The following RSU1 variants were observed in gnomAD, a reference collection of about 807,000 sequenced individuals.
RSU1 encodes the protein Ras suppressor protein 1.
RSU1 carries 26 observed loss-of-function variants against 31.1 expected under a neutral mutation model. The observed-to-expected ratio is 0.84, with a 90% CI of 0.61 to 1.16. The LOEUF (loss-of-function observed/expected upper bound fraction) is 1.16. Among genes scored for constraint, RSU1 ranks in the 50% most tolerant of loss-of-function variants. The pLI is 0.00. For synonymous variants in RSU1, 164 were observed against 136.3 expected, an observed-to-expected ratio of 1.20 and a Z score of -1.41; for missense variants, 320 against 339.1, an observed-to-expected ratio of 0.94 and a Z score of 0.44.
intron 8 of RSU1, among the ~76,000 whole-genome samples, chr10:16,597,121 A>G (rs779089740): frequency 6.6e-6 from 1 of 152,200 alleles, no homozygotes; most frequent in African/African-American, 2.4e-5. Context: ...GGCAATGATA[A>G]GAGGTCAGCA....
chr10:16,702,275 T>C (rs922355363), intron 7 of RSU1, among the ~76,000 whole-genome samples: 18 of 152,132 alleles, frequency 1.2e-4, no homozygotes, highest in African/African-American at 4.3e-4. Flanking sequence ...AAATATGGGG[T>C]TGGAGCCCAG....
At chr10:16,778,811 A>T (rs1588529489) in intron 3 of RSU1, among the ~76,000 whole-genome samples, 3 of 152,116 alleles carry the variant, frequency 2.0e-5, no homozygotes, top group African/African-American at 7.2e-5. Flanking sequence ...CTGGCATGGG[A>T]TGTGGGGCAG....
chr10:16,763,008 A>C (rs1410301215), intron 4 of RSU1, among the ~76,000 whole-genome samples: 7 of 149,452 alleles, frequency 4.7e-5, no homozygotes, highest in South Asian at 2.1e-4. Flanking sequence ...AAAAAAAAAA[A>C]CAAAAACAAA....
At chr10:16,800,734 G>A (rs979557618) in intron 2 of RSU1, among the ~76,000 whole-genome samples, 3 of 152,160 alleles carry the variant, frequency 2.0e-5, no homozygotes, top group African/African-American at 7.2e-5. Flanking sequence ...CTCTGAAGTG[G>A]CACAGTGTTA....
chr10:16,796,460 C>T (rs1228797789), intron 2 of RSU1, among the ~76,000 whole-genome samples: 1 of 152,148 alleles, frequency 6.6e-6, no homozygotes, highest in Non-Finnish European at 1.5e-5. Flanking sequence ...ATCAATGACA[C>T]CCACAAACCC....
chr10:16,751,167 C>G (rs1006021535), intron 7 of RSU1, among the ~76,000 whole-genome samples: 2 of 152,090 alleles, frequency 1.3e-5, no homozygotes, highest in African/African-American at 4.8e-5. Context: ...GTGCCCGGCC[C>G]GAGATCTCTC....
intron 7 of RSU1, among the ~76,000 whole-genome samples, chr10:16,731,416 C>A (rs185340250): frequency 7.0e-6 from 1 of 142,378 alleles, no homozygotes; most frequent in Non-Finnish European, 1.5e-5. Flanking sequence ...GGCGAAAGAG[C>A]GACACTCCGT....
chr10:16,615,331 A>G (rs1055532565), intron 8 of RSU1, among the ~76,000 whole-genome samples: 9 of 152,146 alleles, frequency 5.9e-5, no homozygotes, highest in African/African-American at 2.2e-4. Flanking sequence ...CAAGAAGAGC[A>G]AACTATCCTA....
intron 8 of RSU1, among the ~76,000 whole-genome samples, chr10:16,685,034 G>C (rs1835413765): frequency 6.6e-6 from 1 of 152,138 alleles, no homozygotes; most frequent in Non-Finnish European, 1.5e-5. Context: ...GATCACCTGA[G>C]GTCACGGGTT....
chr10:16,785,389 ACTCT>A (rs61277754), intron 2 of RSU1, among the ~76,000 whole-genome samples: 42,582 of 135,266 alleles, frequency 0.31, 8,434 homozygotes, highest in African/African-American at 0.57. Context: ...AAACTCATTC[ACTCT>A]CTCTCTATCT....
intron 8 of RSU1, among the ~76,000 whole-genome samples, chr10:16,668,664 G>T (rs1835045470): frequency 6.6e-6 from 1 of 152,080 alleles, no homozygotes; most frequent in Non-Finnish European, 1.5e-5. Context: ...AAGGTCCTCA[G>T]ATATAAATTT....
At chr10:16,801,689 G>A (rs11254198) in intron 2 of RSU1, among the ~76,000 whole-genome samples, 7,909 of 151,032 alleles carry the variant, frequency 0.052, 260 homozygotes, top group African/African-American at 0.096. Flanking sequence ...TACAATATAT[G>A]CTCTCAGTCC....
At chr10:16,814,451 GAAAAAAA>G (rs369214166) in intron 2 of RSU1, among the ~76,000 whole-genome samples, 5 of 121,182 alleles carry the variant, frequency 4.1e-5, no homozygotes, top group East Asian at 2.4e-4. Flanking sequence ...CTGTTTTCAG[GAAAAAAA>G]AAAAAAAAAA....
In RSU1 at chr10:16,646,059, T is replaced by TAC. The variant is rs1378224147; in HGVS notation, c.731+48963_731+48964insGT. The stretch of plus-strand genomic sequence containing the variant: ...GTATATACATATATGTGTATATATA[T>TAC]ATACACACACACACACACACACACA... On this transcript the variant is annotated intron_variant, in intron 8 of 8. Coordinates refer to ENST00000345264, the MANE Select transcript of RSU1 (RefSeq NM_012425.4). Among the ~76,000 whole-genome samples, 13 of 31,462 alleles carry TAC rather than the reference T, an allele frequency of 4.1e-4. 1 individual carries two copies. The East Asian group carries it at 0.013, about 32-fold the overall frequency. The allele number at this position is 31,462 out of a possible 152,430, so 20.6% of individuals were successfully genotyped here.
chr10:16,622,867 C>G (rs1324880378), intron 8 of RSU1, among the ~76,000 whole-genome samples: 1 of 152,146 alleles, frequency 6.6e-6, no homozygotes, highest in Admixed American at 6.5e-5. Flanking sequence ...AGCGCTCTGG[C>G]AAGCTAATTT....
intron 7 of RSU1, among the ~76,000 whole-genome samples, chr10:16,739,864 G>A (rs555697801): frequency 6.6e-6 from 1 of 152,060 alleles, no homozygotes; most frequent in Non-Finnish European, 1.5e-5. Flanking sequence ...ACCCGCCTCA[G>A]CCTCTCAAAG....
intron 7 of RSU1, among the ~76,000 whole-genome samples, chr10:16,748,930 T>C (rs1266978240): frequency 6.6e-6 from 1 of 150,682 alleles, no homozygotes; most frequent in Non-Finnish European, 1.5e-5. Context: ...CTTTCTTCTG[T>C]CTTCTCCCGC....
At chr10:16,651,562 G>A (rs1237338071) in intron 8 of RSU1, among the ~76,000 whole-genome samples, 1 of 152,202 alleles carries the variant, frequency 6.6e-6, no homozygotes, top group African/African-American at 2.4e-5. Flanking sequence ...AGCAAATAGT[G>A]ACAGTTTCTT....
At chr10:16,643,631 T>C (rs1189099841) in intron 8 of RSU1, among the ~76,000 whole-genome samples, 1 of 152,216 alleles carries the variant, frequency 6.6e-6, no homozygotes, top group Non-Finnish European at 1.5e-5. Context: ...GTTACCTATC[T>C]GCCTTTATTA....
Sources: allele counts gnomAD v4.1 joint callset (sites outside exome capture counted in the v4.1 genomes callset), GRCh38; gene constraint gnomAD v4.1.1; transcripts MANE v1.5; gene names NCBI Gene and HGNC (gene_info 2026-07-23, HGNC 2026-07-21).